The following PGBD5 variants were observed in gnomAD, a reference collection of about 807,000 sequenced individuals.
PGBD5 encodes piggyBac transposable element derived 5, also known as piggyBac transposable element-derived protein 5.
Under a neutral mutation model 47.9 loss-of-function variants are expected in PGBD5, and 14 were observed. The observed-to-expected ratio is 0.29, with a 90% CI of 0.19 to 0.46. The LOEUF (loss-of-function observed/expected upper bound fraction) is 0.46. Among genes scored for constraint, PGBD5 ranks in the 20% least tolerant of loss-of-function variants. PGBD5 has a pLI of 1.00. For synonymous variants in PGBD5, 316 were observed against 306.3 expected (o/e 1.03, Z -0.33); for missense variants, 635 against 716.0 (o/e 0.89, Z 1.29).
chr1:230,342,602 A>G (rs556790434), intron 3 of PGBD5, among the ~76,000 whole-genome samples: 25 of 152,240 alleles, frequency 1.6e-4, no homozygotes, highest in African/African-American at 6.0e-4. Flanking sequence ...TCATGAGAGG[A>G]ACTGAGGCAG....
Position 230,351,443 on chromosome 1 carries a change from C to G in PGBD5, c.760-351G>C, listed in dbSNP as rs78253869. On this transcript the variant is annotated intron_variant, in intron 2 of 6. Transcript: ENST00000391860. The stretch of plus-strand genomic sequence containing the variant: ...GGGATCTCTGGCATGGGTCCTGTGT[C>G]CTCTGGCTGGACATGCCTGGTGATG... Among the ~76,000 whole-genome samples the G allele has an allele frequency of 7.5e-3, 1,138 of 152,232 alleles. 19 individuals are homozygous for G. Among genetic ancestry groups the G allele is most frequent in the Admixed American group, 0.028 (426 of 15,284 alleles).
intron 1 of PGBD5, among the ~76,000 whole-genome samples, chr1:230,374,823 C>A (rs1427847848): frequency 6.6e-6 from 1 of 152,178 alleles, no homozygotes; most frequent in Non-Finnish European, 1.5e-5. Flanking sequence ...GTGTATTCCA[C>A]CTTATCTGCC....
chr1:230,379,880 T>G (rs1668066115), intron 1 of PGBD5, among the ~76,000 whole-genome samples: 1 of 152,218 alleles, frequency 6.6e-6, no homozygotes, highest in Non-Finnish European at 1.5e-5. Flanking sequence ...ATTTTACAGA[T>G]GAAGAAAACT....
intron 1 of PGBD5, chr1:230,368,296 TC>T (rs1406610374): frequency 1.7e-6 from 2 of 1,143,558 alleles, no homozygotes; most frequent in East Asian, 1.2e-4. Context: ...AAGTGGCCCC[TC>T]CCCAAAAAGC....
At chr1:230,407,833 C>T (rs1657330151) in intron 1 of PGBD5, among the ~76,000 whole-genome samples, 1 of 152,138 alleles carries the variant, frequency 6.6e-6, no homozygotes, top group African/African-American at 2.4e-5. Context: ...AAATTATAAT[C>T]GGGGCAACAT....
At position 230,322,744 on chromosome 1, in the gene PGBD5, A is replaced by T. The variant is rs868469938; in HGVS notation, c.*681T>A. The T allele has an allele frequency of 6.5e-6, 1 of 152,848 alleles. No homozygotes were observed. The highest frequency in any genetic ancestry group is 1.5e-5 in the Non-Finnish European group (1 of 68,062). 9.5% of individuals were successfully genotyped at this position (152,848 alleles called of 1,614,324 possible). ...ATAACCTGAAGATATATTTAAAAAT[A>T]AAAAATAGCATCATCCTTCACTCCA... On this transcript the variant is annotated 3_prime_UTR_variant, in exon 7 of 7. Coordinates refer to ENST00000391860, the MANE Select transcript of PGBD5 (RefSeq NM_001258311.2). The surrounding 1 kb of genome is among the most constrained non-coding windows in gnomAD (Gnocchi z 5.9).
Position 230,315,993 on chromosome 1 carries a change from CATAAGT to C in PGBD5, c.*7426_*7431del, listed in dbSNP as rs1473688380. The C allele has an allele frequency of 1.5e-5, 2 of 134,396 alleles. No homozygotes were observed. The highest frequency in any genetic ancestry group is 2.2e-4 in the East Asian group (1 of 4,604). The allele number at this position is 134,396 out of a possible 1,614,324, so 8.3% of individuals were successfully genotyped here. A position where few individuals can be genotyped will look rare whatever the true frequency, so the allele number is the denominator to read the frequency against. ...ACACATATATGTATGTGTATACATA[CATAAGT>C]ATATGTGTACACATATATGTATGTG... On this transcript the variant is annotated 3_prime_UTR_variant, in exon 7 of 7. Coordinates refer to ENST00000391860, the MANE Select transcript of PGBD5 (RefSeq NM_001258311.2).
intron 1 of PGBD5, among the ~76,000 whole-genome samples, chr1:230,414,917 G>A (rs1323592658): frequency 6.6e-6 from 1 of 152,152 alleles, no homozygotes; most frequent in East Asian, 1.9e-4. Context: ...GAATTCCTGG[G>A]AACACTTATT....
intron 1 of PGBD5, among the ~76,000 whole-genome samples, chr1:230,392,140 T>C (rs1656801126): frequency 6.6e-6 from 1 of 152,228 alleles, no homozygotes; most frequent in African/African-American, 2.4e-5. Context: ...TGGTCATGTG[T>C]CATGGGGCTG....
At chr1:230,372,849 C>T (rs1225060829) in intron 1 of PGBD5, among the ~76,000 whole-genome samples, 1 of 152,144 alleles carries the variant, frequency 6.6e-6, no homozygotes, top group Non-Finnish European at 1.5e-5. Context: ...TTTCAGGGCC[C>T]TGCAGGTGGC....
rs940754530 is a variant in PGBD5 at position 230,319,831 on chromosome 1, G to A, written c.*3594C>T. Reference sequence around the variant, plus strand: ...AATGTCCCATGGACCACGGGAAGACGTTGTTCAAACTCGAGGCTTTTTTTT... The same window carrying A: ...AATGTCCCATGGACCACGGGAAGACATTGTTCAAACTCGAGGCTTTTTTTT... On this transcript the variant is annotated 3_prime_UTR_variant, in exon 7 of 7. Coordinates refer to ENST00000391860, the MANE Select transcript of PGBD5 (RefSeq NM_001258311.2). 2 of 146,802 alleles carry A rather than the reference G, an allele frequency of 1.4e-5. No individual in the cohort carries two copies. Among genetic ancestry groups the A allele is most frequent in the African/African-American group, 5.0e-5 (2 of 39,770 alleles). 9.1% of individuals were successfully genotyped at this position (146,802 alleles called of 1,614,324 possible).
chr1:230,348,793 C>T (rs1667517500), intron 3 of PGBD5, among the ~76,000 whole-genome samples: 2 of 119,590 alleles, frequency 1.7e-5, no homozygotes, highest in South Asian at 6.2e-4. Context: ...AAGAGAGGGA[C>T]TGCGGGGGCT....
chr1:230,336,809 A>G (rs1667330764), intron 4 of PGBD5, among the ~76,000 whole-genome samples: 1 of 140,554 alleles, frequency 7.1e-6, no homozygotes, highest in African/African-American at 2.6e-5. Context: ...CAGGCTTTTC[A>G]TGGCTACAGA....
At chr1:230,342,986 C>T (rs949627054) in intron 3 of PGBD5, among the ~76,000 whole-genome samples, 1 of 152,240 alleles carries the variant, frequency 6.6e-6, no homozygotes, top group African/African-American at 2.4e-5. Context: ...ACATTTCCAT[C>T]ATTGCAGAGA....
At chr1:230,355,826 A>C (rs539588047) in intron 2 of PGBD5, among the ~76,000 whole-genome samples, 50 of 152,194 alleles carry the variant, frequency 3.3e-4, no homozygotes, top group Non-Finnish European at 4.4e-4. Flanking sequence ...TGGAAATCAT[A>C]ACGAGCCTGA....
chr1:230,370,291 AAG>A (rs1335225179), intron 1 of PGBD5, among the ~76,000 whole-genome samples: 7 of 152,170 alleles, frequency 4.6e-5, no homozygotes, highest in Non-Finnish European at 8.8e-5. Context: ...AAACAAGGGA[AAG>A]GTCAGCGCTG....
intron 1 of PGBD5, among the ~76,000 whole-genome samples, chr1:230,386,545 G>A (rs757356622): frequency 2.0e-5 from 3 of 152,098 alleles, no homozygotes; most frequent in Non-Finnish European, 4.4e-5. Context: ...CATTTTCCAC[G>A]CAAATCCTAG....
rs113373466 is a variant in PGBD5, at chr1:230,404,276, C to T, written c.331+21322G>A. 3.1e-3 allele frequency among the ~76,000 whole-genome samples: 469 copies of T among 152,120 alleles called. 4 individuals are homozygous for T. Among genetic ancestry groups the T allele is most frequent in the African/African-American group, 0.011 (446 of 41,484 alleles). Reference sequence around the variant, plus strand: ...GGAGAACTGCTGGAGCCTAGGAGCTCGAGACTAGCCTGGGCAACACAGGGA... The same window carrying T: ...GGAGAACTGCTGGAGCCTAGGAGCTTGAGACTAGCCTGGGCAACACAGGGA... On this transcript the variant is annotated intron_variant, in intron 1 of 6. Coordinates refer to ENST00000391860, the MANE Select transcript of PGBD5 (RefSeq NM_001258311.2).
chr1:230,321,639 C>T lies in PGBD5; in HGVS notation c.*1786G>A, dbSNP rs1237906589. On this transcript the variant is annotated 3_prime_UTR_variant, in exon 7 of 7. Coordinates refer to ENST00000391860, the MANE Select transcript of PGBD5 (RefSeq NM_001258311.2). ...CCTTTTAAACGAATTCACGTATTAA[C>T]GGAGAATCAACATCTAAATAGACTT... is the stretch of plus-strand genomic sequence containing the variant. 8 of 152,460 alleles carry T rather than the reference C, an allele frequency of 5.2e-5. No homozygotes were observed. Among genetic ancestry groups the T allele is most frequent in the South Asian group, 2.1e-4 (1 of 4,828 alleles). 9.4% of individuals were successfully genotyped at this position (152,460 alleles called of 1,614,324 possible).
Sources: allele counts gnomAD v4.1 joint callset (sites outside exome capture counted in the v4.1 genomes callset), GRCh38; gene constraint gnomAD v4.1.1; non-coding constraint Gnocchi (gnomAD v3.1); transcripts MANE v1.5; gene names NCBI Gene and HGNC (gene_info 2026-07-23, HGNC 2026-07-21).